SLC2A7: variants seen among roughly 807,000 people sequenced by gnomAD.
SLC2A7 encodes solute carrier family 2, facilitated glucose transporter member 7.
SLC2A7 carries 50 observed loss-of-function variants against 50.5 expected under a neutral mutation model. The ratio of observed to expected loss-of-function variants is 0.99; its 90% CI spans 0.79 to 1.25. The LOEUF is 1.25. Ranked by LOEUF, SLC2A7 falls within the 50% of genes most tolerant of loss-of-function variation. The pLI is 0.00. For synonymous variants in SLC2A7, 308 were observed against 300.4 expected (o/e 1.03, Z -0.26); for missense variants, 683 against 679.1 (o/e 1.01, Z -0.06).
At chr1:9,016,952 A>C (rs1468110205) in intron 5 of SLC2A7, among the ~76,000 whole-genome samples, 3 of 152,074 alleles carry the variant, frequency 2.0e-5, no homozygotes, top group African/African-American at 7.2e-5. Flanking sequence ...CCCCTGTCTC[A>C]GTCCCACTCC....
At chr1:9,009,017 C>T (rs540361875) in intron 9 of SLC2A7, among the ~76,000 whole-genome samples, 1 of 152,342 alleles carries the variant, frequency 6.6e-6, no homozygotes, top group East Asian at 1.9e-4. Context: ...AGGCCCTGGC[C>T]TCCTGGTCAT....
chr1:8,996,199 G>A, the SLC2A7 span, among the ~76,000 whole-genome samples: 4 of 152,066 alleles, frequency 2.6e-5, no homozygotes, highest in Admixed American at 1.3e-4. Context: ...TTTCCCCAGC[G>A]AAACACTGAT....
chr1:9,023,772 A>C (rs891278264), intron 2 of SLC2A7, among the ~76,000 whole-genome samples: 3 of 151,358 alleles, frequency 2.0e-5, no homozygotes, highest in African/African-American at 7.3e-5. Context: ...AAAAGAAAAA[A>C]AAAATTTTAC....
intron 10 of SLC2A7, 97 bp downstream of exon 10, chr1:9,007,213 T>C (rs1408912573): frequency 2.2e-6 from 3 of 1,379,902 alleles, no homozygotes; most frequent in East Asian, 4.6e-5. Flanking sequence ...ACCAAGGACG[T>C]CCATTCACTC....
At chr1:9,022,720 T>C (rs537423334) in intron 3 of SLC2A7, among the ~76,000 whole-genome samples, 198 bp downstream of exon 3, 11 of 152,224 alleles carry the variant, frequency 7.2e-5, no homozygotes, top group African/African-American at 2.7e-4. Flanking sequence ...GCTTTTCCCA[T>C]GCAACTACCT....
intron 9 of SLC2A7, among the ~76,000 whole-genome samples, chr1:9,007,885 C>T (rs1409932170): frequency 1.3e-5 from 2 of 152,190 alleles, no homozygotes; most frequent in East Asian, 3.9e-4. Context: ...GAGGCGTGCG[C>T]CACCACGCCC....
chr1:9,013,675 C>T (rs1254915879), intron 7 of SLC2A7, 40 bp from the exon 8 acceptor site: 22 of 1,560,556 alleles, frequency 1.4e-5, no homozygotes, highest in Non-Finnish European at 1.9e-5. Context: ...GGCCGGAAGA[C>T]CCAGGACGCT....
intron 4 of SLC2A7, among the ~76,000 whole-genome samples, chr1:9,018,681 C>T (rs1640868228): frequency 6.6e-6 from 1 of 152,216 alleles, no homozygotes. Flanking sequence ...AACGATAAAA[C>T]TTTTGCTTTG....
At chr1:9,002,731 G>A (rs932033336), downstream of SLC2A7, among the ~76,000 whole-genome samples, 5 of 152,218 alleles carry the variant, frequency 3.3e-5, no homozygotes, top group African/African-American at 1.2e-4. Flanking sequence ...CTTTGTCTCT[G>A]TGTCTTATTT....
chr1:9,017,947 C>T (rs756243403), intron 5 of SLC2A7, among the ~76,000 whole-genome samples: 20 of 152,012 alleles, frequency 1.3e-4, no homozygotes, highest in Non-Finnish European at 2.8e-4. Flanking sequence ...TTGAAAGAAA[C>T]CTCTTCTCTC....
At chr1:9,001,417 C>T (rs1320357849), downstream of SLC2A7, among the ~76,000 whole-genome samples, 1 of 140,090 alleles carries the variant, frequency 7.1e-6, no homozygotes, top group Non-Finnish European at 1.6e-5. Flanking sequence ...AATGCAGGTG[C>T]TATTTTTTTT....
chr1:9,018,217 G>A lies in SLC2A7; in HGVS notation c.589+6C>T, dbSNP rs146713019. The A allele has an allele frequency of 8.8e-5, 142 of 1,614,018 alleles. 2 individuals are homozygous for A. The East Asian group carries it at 2.4e-3, about 28-fold the overall frequency. On this transcript the variant is annotated splice_donor_region_variant and intron_variant, in intron 5 of 11. Coordinates refer to ENST00000400906, the MANE Select transcript of SLC2A7 (RefSeq NM_207420.3). ...ACCTAGCGTGACCTCTGCGGCTGCC[G>A]GTTACCTGCCGGGTTGCCCAAGATG...
At position 9,018,333 on chromosome 1, in the gene SLC2A7, G is replaced by T. The variant is rs1640861378; in HGVS notation, c.479C>A (p.Ala160Asp). 1 of 1,614,026 alleles carries T rather than the reference G, an allele frequency of 6.2e-7. No homozygotes were observed. Among genetic ancestry groups the T allele is most frequent in the South Asian group, 1.1e-5 (1 of 91,080 alleles). Residue 160 changes from alanine (A) to aspartate (D), a missense_variant, in exon 5 of 12, where the codon GCC becomes GAC. Coordinates refer to ENST00000400906, the MANE Select transcript of SLC2A7 (RefSeq NM_207420.3). Reference sequence around the variant, plus strand: ...CACCATGCCTCTCAGGTTCTTGGGGGCCAGTTCTCCCAGGTACATGGGAAG... The same window carrying T: ...CACCATGCCTCTCAGGTTCTTGGGGTCCAGTTCTCCCAGGTACATGGGAAG... The part of the protein sequence containing the change: ...SALPMYLGEL[A>D]PKNLRGMVGT...
downstream of SLC2A7, among the ~76,000 whole-genome samples, chr1:9,000,063 C>A (rs1640553595): frequency 6.6e-6 from 1 of 152,174 alleles, no homozygotes; most frequent in African/African-American, 2.4e-5. Context: ...AACTAAAAGA[C>A]CTTAAGTAAC....
intron 10 of SLC2A7, 61 bp downstream of exon 10, chr1:9,007,247 CTG>C (rs1640666092): frequency 6.4e-7 from 1 of 1,571,830 alleles, no homozygotes. Context: ...CGAGCACTGA[CTG>C]TGTGTCAGGC....
Position 9,013,653 on chromosome 1 carries a change from G to A in SLC2A7, c.904-18C>T. 1.2e-6 allele frequency: 2 copies of A among 1,605,972 alleles called. No homozygotes were observed. Among genetic ancestry groups the A allele is most frequent in the Non-Finnish European group, 1.7e-6 (2 of 1,173,122 alleles). On this transcript the variant is annotated intron_variant, in intron 7 of 11. Transcript: ENST00000400906. ...TAGTTGATCTAAACAAAAACACAGG[G>A]CTGTCAGGACAGGCCGGAAGACCCA...
At chr1:9,000,887 G>T (rs1280590479), downstream of SLC2A7, among the ~76,000 whole-genome samples, 1 of 151,948 alleles carries the variant, frequency 6.6e-6, no homozygotes, top group African/African-American at 2.4e-5. Context: ...CCAGCGATCA[G>T]AAGCGGAAGA....
chr1:9,014,587 C>T, intron 7 of SLC2A7, 94 bp downstream of exon 7: 3 of 1,453,260 alleles, frequency 2.1e-6, no homozygotes, highest in Non-Finnish European at 2.8e-6. Flanking sequence ...GCCCCACTGC[C>T]AGGCCAGGCC....
downstream of SLC2A7, among the ~76,000 whole-genome samples, chr1:9,002,408 G>A (rs754108713): frequency 1.3e-5 from 2 of 152,226 alleles, no homozygotes; most frequent in African/African-American, 2.4e-5. Context: ...TATGACTGGA[G>A]GTGAGACATG....
Sources: gnomAD v4.1 joint callset for allele counts (sites outside exome capture counted in the v4.1 genomes callset) on GRCh38, gnomAD v4.1.1 for gene constraint, MANE v1.5 for transcripts, NCBI Gene and HGNC (gene_info 2026-07-23, HGNC 2026-07-21) for gene names.